Variants in UNC93A observed in about 807,000 individuals in gnomAD.
The protein encoded by UNC93A is N-acetylglucosamine transporter UNC93A.
UNC93A carries 43 observed loss-of-function variants against 47.5 expected under a neutral mutation model. The observed-to-expected ratio is 0.91, with a 90% CI of 0.71 to 1.17. UNC93A has a LOEUF of 1.17. UNC93A is among the 50% of genes most tolerant of loss of function. The pLI, the probability that UNC93A is intolerant of heterozygous loss-of-function variation, is 0.00. For synonymous variants in UNC93A, 280 were observed against 258.0 expected, an observed-to-expected ratio of 1.09 and a Z score of -0.82; for missense variants, 605 against 577.6, an observed-to-expected ratio of 1.05 and a Z score of -0.49.
chr6:167,289,852 C>T (rs1356043814), upstream of UNC93A, among the ~76,000 whole-genome samples: 3 of 151,962 alleles, frequency 2.0e-5, no homozygotes, highest in East Asian at 3.8e-4. Context: ...ATCGATAACA[C>T]GGTTAGTATG....
At chr6:167,287,513 A>C (rs935332532), upstream of UNC93A, among the ~76,000 whole-genome samples, 2 of 152,156 alleles carry the variant, frequency 1.3e-5, no homozygotes, top group Non-Finnish European at 2.9e-5. Context: ...GTGAGAATGG[A>C]GACCCCTGGC....
At chr6:167,289,300 C>G (rs1481870648), upstream of UNC93A, among the ~76,000 whole-genome samples, 1 of 152,142 alleles carries the variant, frequency 6.6e-6, no homozygotes, top group Non-Finnish European at 1.5e-5. Context: ...AAGACCTGCC[C>G]TGGTCACAGG....
chr6:167,306,906 A>G (rs116369769), intron 6 of UNC93A, among the ~76,000 whole-genome samples: 1,793 of 152,182 alleles, frequency 0.012, 45 homozygotes, highest in African/African-American at 0.041. Flanking sequence ...ACTGCATCCT[A>G]GAGATGCCAC....
Position 167,305,954 on chromosome 6 carries a change from T to C in UNC93A, c.880T>C (p.Tyr294His). ...CACCCTGGGCATCCAGTTCGTCGGC[T>C]ACGTGATGATCTGCTTCTCGGCCAC... ...TCTLGIQFVGYVMICFSATDA... is the reference protein window; with the variant it reads ...TCTLGIQFVGHVMICFSATDA... The change falls in exon 6 of 8, where the codon TAC becomes CAC. Residue 294 changes from tyrosine to histidine, a missense_variant. Coordinates refer to ENST00000230256, the MANE Select transcript of UNC93A (RefSeq NM_018974.4). 6.2e-7 allele frequency: 1 copy of C among 1,614,194 alleles called. No individual in the cohort carries two copies.
rs1432036294 is a variant in UNC93A, at chr6:167,308,794, G to GTGTCAC, written c.1108+885_1108+890dup. 2.0e-5 allele frequency among the ~76,000 whole-genome samples: 3 copies of GTGTCAC among 152,006 alleles called. 1 individual carries two copies. The highest frequency in any genetic ancestry group is 7.3e-5 in the African/African-American group (3 of 41,354). On this transcript the variant is annotated intron_variant, in intron 7 of 7. Transcript: ENST00000230256. ...CTGGGAGCTATGTGGAGTCGGCCCC[G>GTGTCAC]TGTCACAACAATCAATTCCAAAAGG...
intron 1 of UNC93A, among the ~76,000 whole-genome samples, chr6:167,279,376 A>G (rs947881934): frequency 1.3e-5 from 2 of 152,206 alleles, no homozygotes; most frequent in Non-Finnish European, 2.9e-5. Flanking sequence ...AAATTCCTTT[A>G]CACCATATAA....
At chr6:167,305,873 C>A (rs777514471) in intron 5 of UNC93A, 42 bp from the exon 6 acceptor site, 12 of 1,613,122 alleles carry the variant, frequency 7.4e-6, no homozygotes, top group Middle Eastern at 1.7e-4. Context: ...GCACGGGAGG[C>A]CTGGGAGCGT....
intron 1 of UNC93A, among the ~76,000 whole-genome samples, chr6:167,280,229 C>A (rs1027011904): frequency 1.3e-5 from 2 of 152,206 alleles, no homozygotes; most frequent in Non-Finnish European, 2.9e-5. Context: ...TTGAGAGTGG[C>A]TCCTACCCCC....
intron 1 of UNC93A, among the ~76,000 whole-genome samples, chr6:167,284,528 C>T (rs1436509532): frequency 6.6e-6 from 1 of 152,298 alleles, no homozygotes; most frequent in African/African-American, 2.4e-5. Flanking sequence ...CATGCCCATC[C>T]TCTCCGCTAA....
intron 5 of UNC93A, among the ~76,000 whole-genome samples, chr6:167,305,377 CT>C (rs1202841592): frequency 6.6e-6 from 1 of 152,184 alleles, no homozygotes; most frequent in African/African-American, 2.4e-5. Flanking sequence ...CTTGTCCCCC[CT>C]GATGTGGCTG....
In UNC93A at chr6:167,298,020, C is replaced by G; in HGVS notation, c.575C>G (p.Thr192Ser). The G allele has an allele frequency of 6.2e-7, 1 of 1,614,056 alleles. No homozygotes were observed. ...CLMATTTTNS[T>S]QRPSQQLVYT... The stretch of plus-strand genomic sequence containing the variant: ...ATGGCCACCACAACCACCAACAGCA[C>G]CCAGAGGCCCTCCCAGCAGCTGGTC... Residue 192 changes from threonine to serine, a missense_variant, in exon 4 of 8, where the codon ACC becomes AGC. Physicochemically the swap from Thr to Ser is moderately conservative, Grantham distance 58 (BLOSUM62 1). Coordinates refer to ENST00000230256, the MANE Select transcript of UNC93A (RefSeq NM_018974.4).
Position 167,315,439 on chromosome 6 carries a change from A to G in UNC93A, c.1361A>G (p.Gln454Arg), listed in dbSNP as rs1778668938. 1.2e-6 allele frequency: 2 copies of G among 1,613,992 alleles called. No individual in the cohort carries two copies. Among genetic ancestry groups the G allele is most frequent in the Non-Finnish European group, 1.7e-6 (2 of 1,179,868 alleles). ...AACCAGGCAGAGGATGAAGAAATACAAACAAAAATGTGAGAGCAGTGAGGT... is the reference window on the plus strand; with the variant it reads ...AACCAGGCAGAGGATGAAGAAATACGAACAAAAATGTGAGAGCAGTGAGGT... ...QVNQAEDEEI[Q>R]TKM is the part of the protein sequence containing the mutation. The change falls in exon 8 of 8, where the codon CAA becomes CGA. Residue 454 changes from glutamine to arginine, a missense_variant. Transcript: ENST00000230256.
intron 4 of UNC93A, among the ~76,000 whole-genome samples, 185 bp from the exon 5 acceptor site, chr6:167,303,734 T>A (rs896784676): frequency 1.3e-5 from 2 of 152,038 alleles, no homozygotes; most frequent in African/African-American, 4.8e-5. Context: ...AATCAGAGAA[T>A]CAGCACGATC....
At chr6:167,275,147 C>CT (rs1783518427) in intron 1 of UNC93A, among the ~76,000 whole-genome samples, 1 of 152,134 alleles carries the variant, frequency 6.6e-6, no homozygotes, top group African/African-American at 2.4e-5. Context: ...GAGACTTGGG[C>CT]TGGTGTGTCA....
At chr6:167,286,727 C>G (rs1196094723), upstream of UNC93A, among the ~76,000 whole-genome samples, 1 of 152,024 alleles carries the variant, frequency 6.6e-6, no homozygotes, top group East Asian at 1.9e-4. Flanking sequence ...TCTTTAATCC[C>G]AGCACTTTGG....
upstream of UNC93A, among the ~76,000 whole-genome samples, chr6:167,287,201 C>A (rs1412588193): frequency 1.3e-5 from 2 of 152,110 alleles, no homozygotes; most frequent in Middle Eastern, 3.2e-3. Flanking sequence ...CTGCTCGCTG[C>A]ACTCAGCTGG....
At position 167,292,458 on chromosome 6, in the gene UNC93A, CTGT is replaced by C. The variant is rs1363368886; in HGVS notation, c.87+889_87+891del. Among the ~76,000 whole-genome samples the C allele has an allele frequency of 2.6e-5, 4 of 152,332 alleles. No individual in the cohort carries two copies. The South Asian group carries it at 8.3e-4, about 32-fold the overall frequency. On this transcript the variant is annotated intron_variant, in intron 1 of 7. Coordinates refer to ENST00000230256, the MANE Select transcript of UNC93A (RefSeq NM_018974.4). ...TCAGAATCCGAGGTTTCTCCTCTCA[CTGT>C]TGTTGTGCAAACACTTGGGACTCCT...
upstream of UNC93A, among the ~76,000 whole-genome samples, chr6:167,269,253 A>G (rs1783415315): frequency 6.6e-6 from 1 of 152,192 alleles, no homozygotes. Context: ...CTCTGTGCTG[A>G]GGGAACCACG....
chr6:167,281,772 C>T (rs1482449297), intron 1 of UNC93A, among the ~76,000 whole-genome samples: 1 of 152,152 alleles, frequency 6.6e-6, no homozygotes, highest in Non-Finnish European at 1.5e-5. Context: ...GTGGGCTGTT[C>T]AGAAGCTGGC....
Sources: gnomAD v4.1 joint callset for allele counts (sites outside exome capture counted in the v4.1 genomes callset) on GRCh38, gnomAD v4.1.1 for gene constraint, MANE v1.5 for transcripts, NCBI Gene and HGNC (gene_info 2026-07-23, HGNC 2026-07-21) for gene names.